Variants in ASPRV1 observed in about 807,000 individuals in gnomAD.
The protein encoded by ASPRV1 is aspartic peptidase retroviral like 1.
A neutral mutation model predicts 11.0 loss-of-function variants in ASPRV1; 7 were observed. The ratio of observed to expected loss-of-function variants is 0.64; its 90% confidence interval spans 0.36 to 1.20. The LOEUF is 1.20. Ranked by LOEUF, ASPRV1 falls within the 50% of genes most tolerant of loss-of-function variation. ASPRV1 has a pLI of 0.02. For synonymous variants in ASPRV1, 136 were observed against 138.4 expected (o/e 0.98, Z 0.12); for missense variants, 299 against 320.0 (o/e 0.93, Z 0.50).
At chr2:69,944,723 T>C in the ASPRV1 span, among the ~76,000 whole-genome samples, 1 of 152,012 alleles carries the variant, frequency 6.6e-6, no homozygotes, top group Non-Finnish European at 1.5e-5. Context: ...AGCAGAAAAA[T>C]GGGAATTCAC....
the ASPRV1 span, among the ~76,000 whole-genome samples, chr2:70,023,689 G>C: frequency 6.8e-6 from 1 of 146,146 alleles, no homozygotes; most frequent in Admixed American, 6.9e-5. Flanking sequence ...AAAAAAAAAA[G>C]ATGCATGGTT....
chr2:70,047,314 G>A, the ASPRV1 span, among the ~76,000 whole-genome samples: 1 of 152,180 alleles, frequency 6.6e-6, no homozygotes, highest in African/African-American at 2.4e-5. Context: ...GGGCATGCAA[G>A]AAGCTATTCA....
chr2:70,043,888 A>C, the ASPRV1 span, among the ~76,000 whole-genome samples: 1 of 152,282 alleles, frequency 6.6e-6, no homozygotes, highest in African/African-American at 2.4e-5. Flanking sequence ...TACTCAGCAC[A>C]ACCTCTTTTG....
the ASPRV1 span, among the ~76,000 whole-genome samples, chr2:69,950,715 C>T: frequency 2.0e-5 from 3 of 151,878 alleles, no homozygotes; most frequent in South Asian, 2.1e-4. Flanking sequence ...TGGTGGCTGG[C>T]GCCTGTAGTC....
chr2:69,950,583 T>C, the ASPRV1 span, among the ~76,000 whole-genome samples: 1 of 152,158 alleles, frequency 6.6e-6, no homozygotes, highest in Non-Finnish European at 1.5e-5. Flanking sequence ...GGCTCACCCC[T>C]GTAATCTCAG....
In ASPRV1 at chr2:69,960,155, C is replaced by T. The variant is rs1438116894; in HGVS notation, c.*502G>A. The stretch of plus-strand genomic sequence containing the variant: ...AATTATTGGCATAAGGCACAATGGG[C>T]TTCAAAGCAAATGACAGAAAGAAAA... On this transcript the variant is annotated 3_prime_UTR_variant, in exon 1 of 1. Coordinates refer to ENST00000320256, the MANE Select transcript of ASPRV1 (RefSeq NM_152792.4). The T allele has an allele frequency of 1.3e-5, 2 of 155,944 alleles. No individual in the cohort carries two copies. Among genetic ancestry groups the T allele is most frequent in the Admixed American group, 1.2e-4 (2 of 16,034 alleles). The allele number at this position is 155,944 out of a possible 1,614,324, so 9.7% of individuals were successfully genotyped here.
the ASPRV1 span, chr2:70,016,289 G>C: frequency 4.6e-5 from 7 of 152,096 alleles, no homozygotes. Context: ...CAAAGAAATT[G>C]AACAACATGC....
chr2:70,084,660 T>G, the ASPRV1 span, among the ~76,000 whole-genome samples: 1 of 152,254 alleles, frequency 6.6e-6, no homozygotes, highest in Non-Finnish European at 1.5e-5. Flanking sequence ...ATTACCCAAG[T>G]ACATATACTG....
At chr2:70,002,708 T>C in the ASPRV1 span, among the ~76,000 whole-genome samples, 5 of 152,332 alleles carry the variant, frequency 3.3e-5, no homozygotes, top group Middle Eastern at 6.8e-3. Flanking sequence ...AAAGTTGGCT[T>C]TGATCCAAGG....
the ASPRV1 span, among the ~76,000 whole-genome samples, chr2:69,951,501 TTATA>T: frequency 2.8e-5 from 4 of 144,240 alleles, no homozygotes; most frequent in Non-Finnish European, 6.0e-5. Context: ...ATATGTATAT[TTATA>T]TATATAGATC....
the ASPRV1 span, among the ~76,000 whole-genome samples, chr2:70,054,698 A>C: frequency 6.6e-6 from 1 of 152,210 alleles, no homozygotes; most frequent in African/African-American, 2.4e-5. Context: ...AAAGTAAGAC[A>C]AACGATGGGA....
chr2:70,074,133 C>CAAAAAAAAACAAAAAAAA, the ASPRV1 span, among the ~76,000 whole-genome samples: 1 of 7,816 alleles, frequency 1.3e-4, no homozygotes, highest in African/African-American at 3.5e-4. Flanking sequence ...AACTTCATCT[C>CAAAAAAAAACAAAAAAAA]AAAAAAAAAA....
the ASPRV1 span, chr2:70,045,129 A>C: frequency 6.6e-6 from 1 of 152,224 alleles, no homozygotes; most frequent in Non-Finnish European, 1.5e-5. Context: ...CAAAATCGCA[A>C]GGTGGGTAAA....
At chr2:70,065,834 AAAAAAAAAAAG>A in the ASPRV1 span, among the ~76,000 whole-genome samples, 1 of 148,966 alleles carries the variant, frequency 6.7e-6, no homozygotes, top group Non-Finnish European at 1.5e-5. Flanking sequence ...AAAAAAAAAA[AAAAAAAAAAAG>A]AAAGAAAAAG....
the ASPRV1 span, chr2:70,016,242 G>C: frequency 1.3e-5 from 2 of 152,074 alleles, no homozygotes; most frequent in African/African-American, 4.8e-5. Context: ...TATGAAACTA[G>C]AAATAATAAA....
the ASPRV1 span, among the ~76,000 whole-genome samples, chr2:69,953,078 C>T: frequency 6.6e-6 from 1 of 152,224 alleles, no homozygotes; most frequent in Admixed American, 6.5e-5. Flanking sequence ...CTTTGATTTT[C>T]TCCTGTTTCT....
At chr2:69,968,333 G>C in the ASPRV1 span, 1 of 152,130 alleles carries the variant, frequency 6.6e-6, no homozygotes. Context: ...AGGAGTTCAA[G>C]GCCAACATGA....
chr2:70,033,310 CACACAT>C, the ASPRV1 span, among the ~76,000 whole-genome samples: 4 of 151,682 alleles, frequency 2.6e-5, no homozygotes, highest in African/African-American at 9.7e-5. Context: ...CACACACACA[CACACAT>C]ATATGCACTC....
chr2:70,068,880 G>A, the ASPRV1 span, among the ~76,000 whole-genome samples: 2 of 149,312 alleles, frequency 1.3e-5, no homozygotes, highest in African/African-American at 5.0e-5. Context: ...AGGAGGCGGA[G>A]GTTGCAGTGA....
Sources: gnomAD v4.1 joint callset for allele counts (sites outside exome capture counted in the v4.1 genomes callset) on GRCh38, gnomAD v4.1.1 for gene constraint, MANE v1.5 for transcripts, NCBI Gene and HGNC (gene_info 2026-07-23, HGNC 2026-07-21) for gene names.